The following CIT variants were observed in gnomAD, a reference collection of about 807,000 sequenced individuals.
The protein encoded by CIT is citron rho-interacting serine/threonine kinase.
Under a neutral mutation model 272.7 loss-of-function variants are expected in CIT, and 79 were observed. The observed-to-expected ratio is 0.29, with a 90% CI of 0.24 to 0.35. The LOEUF is 0.35. Among genes scored for constraint, CIT ranks in the 10% least tolerant of loss-of-function variants. The pLI is 1.00. For missense variants in CIT, 1,909 were observed against 2,618.3 expected, an observed-to-expected ratio of 0.73 and a Z score of 5.91; for synonymous variants, 948 against 995.6, an observed-to-expected ratio of 0.95 and a Z score of 0.90.
intron 10 of CIT, among the ~76,000 whole-genome samples, chr12:119,801,966 C>G (rs1966241312): frequency 6.6e-6 from 1 of 152,156 alleles, no homozygotes; most frequent in East Asian, 1.9e-4. Context: ...CAATCACAGC[C>G]CACAACCTTA....
Position 119,704,444 on chromosome 12 carries a change from C to A in CIT, c.5223G>T (p.Gly1741=). The change falls in exon 41 of 48, where the codon GGG becomes GGT. Residue 1741 remains glycine, a synonymous_variant. Coordinates refer to ENST00000392521, the MANE Select transcript of CIT (RefSeq NM_001206999.2). ...HLFGAGKIEN[G]LCICAAMPSK... is the part of the protein sequence containing the mutation. ...TGGGCATGGCTGCACAGATGCAGAGCCCGTTCTCAATCTGAAAAGCAACCA... is the reference window on the plus strand; with the variant it reads ...TGGGCATGGCTGCACAGATGCAGAGACCGTTCTCAATCTGAAAAGCAACCA... 6.2e-7 allele frequency: 1 copy of A among 1,613,864 alleles called. No homozygotes were observed. The highest frequency in any genetic ancestry group is 8.5e-7 in the Non-Finnish European group (1 of 1,179,848).
At position 119,869,151 on chromosome 12, in the gene CIT, T is replaced by C. The variant is rs745665895; in HGVS notation, c.147A>G (p.Glu49=). Residue 49 remains glutamate, a synonymous_variant, in exon 3 of 48, where the codon GAA becomes GAG. Coordinates refer to ENST00000392521, the MANE Select transcript of CIT (RefSeq NM_001206999.2). The part of the protein sequence containing the change: ...TQQQMSPLSR[E]GILDALFVLF... ...GAACAAAGAGGGCATCTAATATCCC[T>C]TCTCGGGAAAGAGGAGACATCTGCT... 1 of 1,613,006 alleles carries C rather than the reference T, an allele frequency of 6.2e-7. No individual in the cohort carries two copies. The highest frequency in any genetic ancestry group is 8.5e-7 in the Non-Finnish European group (1 of 1,179,708).
intron 26 of CIT, among the ~76,000 whole-genome samples, chr12:119,732,847 T>C (rs1958537027): frequency 1.3e-5 from 2 of 152,176 alleles, no homozygotes; most frequent in Non-Finnish European, 2.9e-5. Context: ...CATGAGCAAG[T>C]TGATGAAAAA....
chr12:119,721,923 C>A (rs1229234485), intron 28 of CIT, among the ~76,000 whole-genome samples: 1 of 152,138 alleles, frequency 6.6e-6, no homozygotes, highest in South Asian at 2.1e-4. Context: ...GAAATCATAT[C>A]ATCCCTTACT....
chr12:119,791,418 C>T (rs1965298073), intron 10 of CIT, among the ~76,000 whole-genome samples: 1 of 152,188 alleles, frequency 6.6e-6, no homozygotes, highest in African/African-American at 2.4e-5. Flanking sequence ...GAAAGCTCAC[C>T]CCACAAGAGC....
chr12:119,812,015 G>A (rs1399086185), intron 9 of CIT, among the ~76,000 whole-genome samples: 3 of 147,678 alleles, frequency 2.0e-5, no homozygotes, highest in African/African-American at 2.5e-5. Context: ...GCATGATCTC[G>A]GCTCACTGCA....
At chr12:119,698,285 G>A in intron 44 of CIT, 1 of 557,342 alleles carries the variant, frequency 1.8e-6, no homozygotes, top group Non-Finnish European at 3.2e-6. Flanking sequence ...GTAGGGATTG[G>A]CTAAATACAT....
chr12:119,707,439 G>A (rs1255584204), intron 40 of CIT, among the ~76,000 whole-genome samples: 1 of 152,158 alleles, frequency 6.6e-6, no homozygotes, highest in Non-Finnish European at 1.5e-5. Flanking sequence ...ATTAGAGCAG[G>A]AGGAGGCCAT....
At position 119,712,808 on chromosome 12, in the gene CIT, AAG is replaced by A. The variant is rs1462337567; in HGVS notation, c.4580-115_4580-114del. 4 of 798,580 alleles carry A rather than the reference AAG, an allele frequency of 5.0e-6. No homozygotes were observed. In the Admixed American group the frequency reaches 9.5e-5, roughly 19 times the overall value. The allele number at this position is 798,580 out of a possible 1,614,324, so 49.5% of individuals were successfully genotyped here. ...GAGAGAGAGACAGGGTACGTGTGTA[AAG>A]AGAGGCGCACGAGAACAAGGAAGGG... On this transcript the variant is annotated intron_variant, in intron 35 of 47. Coordinates refer to ENST00000392521, the MANE Select transcript of CIT (RefSeq NM_001206999.2). The surrounding 1 kb of genome is among the most constrained non-coding windows in gnomAD (Gnocchi z 5.2).
At chr12:119,767,530 C>T (rs1361712076) in intron 18 of CIT, among the ~76,000 whole-genome samples, 2 of 152,138 alleles carry the variant, frequency 1.3e-5, no homozygotes, top group African/African-American at 4.8e-5. Flanking sequence ...AAAGCCCTGA[C>T]CACTATCTTG....
Position 119,690,383 on chromosome 12 carries a change from G to C in CIT, c.5954C>G (p.Pro1985Arg), listed in dbSNP as rs762735120. 2.5e-6 allele frequency: 4 copies of C among 1,596,966 alleles called. No individual in the cohort carries two copies. Among genetic ancestry groups the C allele is most frequent in the Non-Finnish European group, 3.4e-6 (4 of 1,177,754 alleles). The change falls in exon 47 of 48, where the codon CCG becomes CGG. Residue 1985 changes from proline to arginine, a missense_variant. By Grantham distance (103) the Pro-to-Arg change is moderately radical (BLOSUM62 -2). Transcript: ENST00000392521. The surrounding 1 kb of genome is among the most constrained non-coding windows in gnomAD (Gnocchi z 6.0). ...ITKRVASSPAPPEGPSHPREP... is the reference protein window; with the variant it reads ...ITKRVASSPARPEGPSHPREP... The stretch of plus-strand genomic sequence containing the variant: ...TCGCGGGTGGCTGGGGCCTTCGGGC[G>C]GCGCTGGGCTGGAGGCCACGCGCTT...
chr12:119,858,654 A>G (rs1950239806), intron 3 of CIT, among the ~76,000 whole-genome samples: 1 of 152,080 alleles, frequency 6.6e-6, no homozygotes, highest in Non-Finnish European at 1.5e-5. Flanking sequence ...CCCCGTCTCT[A>G]CCAAAAACAT....
intron 23 of CIT, among the ~76,000 whole-genome samples, chr12:119,747,062 A>C (rs1744298621): frequency 6.6e-6 from 1 of 152,054 alleles, no homozygotes; most frequent in African/African-American, 2.4e-5. Flanking sequence ...ACACTCTTAA[A>C]AATTACTGAG....
Position 119,697,757 on chromosome 12 carries a change from C to T in CIT, c.5784G>A (p.Ala1928=), listed in dbSNP as rs1373460666. 1.3e-5 allele frequency: 21 copies of T among 1,614,030 alleles called. No homozygotes were observed. Among genetic ancestry groups the T allele is most frequent in the South Asian group, 2.2e-5 (2 of 91,086 alleles). Residue 1928 remains alanine (A), a synonymous_variant, in exon 46 of 48, where the codon GCG becomes GCA. Coordinates refer to ENST00000392521, the MANE Select transcript of CIT (RefSeq NM_001206999.2). This position sits in a 1 kb window ranked among gnomAD's most constrained non-coding sequence, Gnocchi z 4.9. The stretch of plus-strand genomic sequence containing the variant: ...CCCTTAATTTATCCTGGTATGAGGA[C>T]GCCAAGTAAATCGCTCCTGAGGAAA... ...PAISSGAIYL[A]SSYQDKLRVI...
intron 19 of CIT, among the ~76,000 whole-genome samples, chr12:119,766,670 G>T (rs1448065499): frequency 2.6e-5 from 4 of 152,042 alleles, no homozygotes; most frequent in African/African-American, 9.7e-5. Flanking sequence ...TGTTTGAGGG[G>T]ATGGACACCC....
intron 10 of CIT, among the ~76,000 whole-genome samples, chr12:119,796,352 A>G (rs1425905106): frequency 6.6e-6 from 1 of 152,216 alleles, no homozygotes; most frequent in Non-Finnish European, 1.5e-5. Flanking sequence ...GCAAGAGTCC[A>G]TGATGGGTGC....
chr12:119,752,939 G>A (rs1242037052), intron 22 of CIT, among the ~76,000 whole-genome samples: 1 of 152,178 alleles, frequency 6.6e-6, no homozygotes, highest in Admixed American at 6.5e-5. Context: ...GGACATGTAG[G>A]GATGTTGCAG....
chr12:119,856,553 A>C (rs1338878959), intron 4 of CIT, among the ~76,000 whole-genome samples: 1 of 151,476 alleles, frequency 6.6e-6, no homozygotes, highest in African/African-American at 2.4e-5. Flanking sequence ...ACACACACAC[A>C]CCCACACACA....
intron 4 of CIT, 121 bp downstream of exon 4, chr12:119,857,397 ATAATT>A: frequency 1.1e-6 from 1 of 926,012 alleles, no homozygotes; most frequent in Non-Finnish European, 1.6e-6. Flanking sequence ...TGCCCCAACT[ATAATT>A]AAATATAGAG....
Sources: gnomAD v4.1 joint callset for allele counts (sites outside exome capture counted in the v4.1 genomes callset) on GRCh38, gnomAD v4.1.1 for gene constraint, Gnocchi (gnomAD v3.1) non-coding constraint, MANE v1.5 for transcripts, NCBI Gene and HGNC (gene_info 2026-07-23, HGNC 2026-07-21) for gene names.